Variants in PTPRT observed in about 807,000 individuals in gnomAD.
PTPRT encodes the protein receptor-type tyrosine-protein phosphatase T.
PTPRT carries 56 observed loss-of-function variants against 176.8 expected under a neutral mutation model. The observed-to-expected ratio is 0.32, with a 90% CI of 0.26 to 0.40. The LOEUF is 0.40. Among genes scored for constraint, PTPRT ranks in the 10% least tolerant of loss-of-function variants. The pLI is 1.00. For synonymous variants in PTPRT, 783 were observed against 739.0 expected, an observed-to-expected ratio of 1.06 and a Z score of -0.96; for missense variants, 1,540 against 1,908.2, an observed-to-expected ratio of 0.81 and a Z score of 3.60.
At chr20:42,572,827 C>T (rs1405102883) in intron 7 of PTPRT, among the ~76,000 whole-genome samples, 1 of 152,078 alleles carries the variant, frequency 6.6e-6, no homozygotes, top group Non-Finnish European at 1.5e-5. Context: ...TCTCTGCCTT[C>T]TCGGGCATCC....
chr20:42,773,229 A>C (rs1225137862), intron 4 of PTPRT, among the ~76,000 whole-genome samples: 1 of 152,138 alleles, frequency 6.6e-6, no homozygotes, highest in East Asian at 1.9e-4. Context: ...TTGTCTACCA[A>C]TCTGTGTCAG....
intron 1 of PTPRT, among the ~76,000 whole-genome samples, chr20:42,956,534 G>A (rs1025238100): frequency 6.6e-6 from 1 of 152,008 alleles, no homozygotes; most frequent in African/African-American, 2.4e-5. Flanking sequence ...GCAGATGCCA[G>A]CACCATGCTT....
intron 16 of PTPRT, among the ~76,000 whole-genome samples, chr20:42,195,755 G>A (rs1228043557): frequency 6.6e-6 from 1 of 152,140 alleles, no homozygotes; most frequent in Non-Finnish European, 1.5e-5. Context: ...GTGTATATAT[G>A]ACTGTGTAGG....
chr20:43,057,691 A>G (rs1428977359), intron 1 of PTPRT, among the ~76,000 whole-genome samples: 1 of 152,216 alleles, frequency 6.6e-6, no homozygotes, highest in East Asian at 1.9e-4. Flanking sequence ...ATTTCAAAAT[A>G]AAAACTTAGA....
chr20:42,681,920 A>G (rs1379026961), intron 6 of PTPRT, among the ~76,000 whole-genome samples: 1 of 152,182 alleles, frequency 6.6e-6, no homozygotes, highest in Non-Finnish European at 1.5e-5. Flanking sequence ...AAATTCATGC[A>G]AAAGAAAAAT....
intron 7 of PTPRT, among the ~76,000 whole-genome samples, chr20:42,633,135 C>T (rs1228140698): frequency 6.6e-6 from 1 of 152,102 alleles, no homozygotes; most frequent in Non-Finnish European, 1.5e-5. Flanking sequence ...CTCTGGTTAT[C>T]CCCTCTAGCT....
At chr20:42,424,707 G>A (rs1171148273) in intron 9 of PTPRT, among the ~76,000 whole-genome samples, 1 of 151,860 alleles carries the variant, frequency 6.6e-6, no homozygotes, top group Admixed American at 6.6e-5. Flanking sequence ...CCTGGGCACT[G>A]TGAAACAGAC....
chr20:42,226,116 G>T (rs2056004471), intron 15 of PTPRT, among the ~76,000 whole-genome samples: 2 of 152,038 alleles, frequency 1.3e-5, no homozygotes, highest in Non-Finnish European at 2.9e-5. Flanking sequence ...ACATTATTTT[G>T]TAACGTTTTA....
At chr20:43,018,269 T>G (rs1985469389) in intron 1 of PTPRT, among the ~76,000 whole-genome samples, 1 of 152,210 alleles carries the variant, frequency 6.6e-6, no homozygotes, top group South Asian at 2.1e-4. Context: ...CCAATAACTC[T>G]GTGTTCATTT....
chr20:42,248,719 AATG>A lies in PTPRT; in HGVS notation c.2277_2279del (p.Ile760del). ...TGATGGTGAGCATCACGCCCAGGAG[AATG>A]ATGATGAACATGAGGAGGCCAGCGA... On this transcript the variant is annotated inframe_deletion, in exon 14 of 31. Coordinates refer to ENST00000373187, the MANE Select transcript of PTPRT (RefSeq NM_007050.6). The A allele has an allele frequency of 6.2e-7, 1 of 1,613,948 alleles. No homozygotes were observed. Among genetic ancestry groups the A allele is most frequent in the East Asian group, 2.2e-5 (1 of 44,864 alleles).
intron 9 of PTPRT, among the ~76,000 whole-genome samples, chr20:42,395,355 G>A (rs753250923): frequency 1.3e-5 from 2 of 152,106 alleles, no homozygotes; most frequent in Non-Finnish European, 2.9e-5. Context: ...GACCTATGCC[G>A]CATCTAAGAC....
chr20:42,273,516 T>G (rs1363489534), intron 13 of PTPRT, among the ~76,000 whole-genome samples: 1 of 152,184 alleles, frequency 6.6e-6, no homozygotes, highest in East Asian at 1.9e-4. Flanking sequence ...CACCCAGCCA[T>G]AAGTGGTGTT....
intron 17 of PTPRT, among the ~76,000 whole-genome samples, chr20:42,159,352 C>A (rs1181828499): frequency 6.6e-6 from 1 of 151,768 alleles, no homozygotes; most frequent in Non-Finnish European, 1.5e-5. Flanking sequence ...AACCCATCCT[C>A]TGAAGGCCAT....
intron 2 of PTPRT, among the ~76,000 whole-genome samples, chr20:42,796,906 T>A (rs2077462943): frequency 1.3e-5 from 2 of 152,234 alleles, no homozygotes; most frequent in South Asian, 4.1e-4. Flanking sequence ...GACTCTCAAG[T>A]ACCATCTTCT....
downstream of PTPRT, among the ~76,000 whole-genome samples, chr20:42,068,117 C>T (rs979502934): frequency 6.6e-6 from 1 of 152,112 alleles, no homozygotes; most frequent in Admixed American, 6.5e-5. Context: ...CCCTATCAGT[C>T]AAAGATTTCA....
At chr20:42,819,873 T>C (rs2077860169) in intron 2 of PTPRT, among the ~76,000 whole-genome samples, 1 of 152,148 alleles carries the variant, frequency 6.6e-6, no homozygotes, top group Non-Finnish European at 1.5e-5. Context: ...GAGCTAACTA[T>C]TCTAAATATA....
intron 1 of PTPRT, among the ~76,000 whole-genome samples, chr20:43,130,557 G>C (rs796450480): frequency 6.6e-6 from 1 of 151,894 alleles, no homozygotes; most frequent in African/African-American, 2.4e-5. Flanking sequence ...ATTCAATCCT[G>C]TTCACAGAAG....
chr20:42,502,922 A>G (rs1455141302), intron 7 of PTPRT, among the ~76,000 whole-genome samples: 3 of 152,062 alleles, frequency 2.0e-5, no homozygotes, highest in African/African-American at 7.2e-5. Context: ...TCTCATGAGG[A>G]GTATTTAAAT....
At chr20:42,782,317 A>G (rs1407877634) in intron 3 of PTPRT, among the ~76,000 whole-genome samples, 1 of 152,098 alleles carries the variant, frequency 6.6e-6, no homozygotes. Context: ...CAATGCACTG[A>G]TAACTCCAAA....
Sources: allele counts gnomAD v4.1 joint callset (sites outside exome capture counted in the v4.1 genomes callset), GRCh38; gene constraint gnomAD v4.1.1; transcripts MANE v1.5; gene names NCBI Gene and HGNC (gene_info 2026-07-23, HGNC 2026-07-21).